SLC44A4: variants seen among roughly 807,000 people sequenced by gnomAD.
SLC44A4 encodes choline transporter-like protein 4.
A neutral mutation model predicts 97.0 loss-of-function variants in SLC44A4; 74 were observed. That is an observed-to-expected ratio of 0.76 (90% CI 0.63 to 0.93). SLC44A4 has a LOEUF of 0.93. SLC44A4 is among the 40% of genes least tolerant of loss of function. The pLI is 0.00. For missense variants in SLC44A4, 799 were observed against 902.9 expected, an observed-to-expected ratio of 0.88 and a Z score of 1.48; for synonymous variants, 325 against 363.8, an observed-to-expected ratio of 0.89 and a Z score of 1.21.
intron 20 of SLC44A4, chr6:31,864,396 C>T: frequency 1.7e-6 from 1 of 578,386 alleles, no homozygotes; most frequent in Non-Finnish European, 3.1e-6. Context: ...AACTTCTACC[C>T]GAGATTTCTT....
At chr6:31,864,568 C>G in intron 20 of SLC44A4, 84 bp downstream of exon 20, 26 of 1,278,404 alleles carry the variant, frequency 2.0e-5, no homozygotes, top group Non-Finnish European at 2.9e-5. Flanking sequence ...TTTCTAGAAG[C>G]ACCAAATCTC....
In SLC44A4 at chr6:31,876,093, CAGGAAGAGG is replaced by C. The variant is rs758136134; in HGVS notation, c.117_125del (p.Leu42_Phe44del). ...CCACGATGTAACCTAGAATGAAGAG[CAGGAAGAGG>C]ACGCAGCAGATGACATCTGTGCAGC... On this transcript the variant is annotated inframe_deletion, in exon 3 of 21. Coordinates refer to ENST00000229729, the MANE Select transcript of SLC44A4 (RefSeq NM_025257.3). This position sits in a 1 kb window ranked among gnomAD's most constrained non-coding sequence, Gnocchi z 4.8. 189 of 1,613,818 alleles carry C rather than the reference CAGGAAGAGG, an allele frequency of 1.2e-4. No individual in the cohort carries two copies. Among genetic ancestry groups the C allele is most frequent in the Non-Finnish European group, 3.8e-5 (45 of 1,179,982 alleles).
rs762326098 is a variant in SLC44A4, at chr6:31,874,566, G to A, written c.469-46C>T. The A allele has an allele frequency of 1.3e-6, 2 of 1,598,020 alleles. No homozygotes were observed. The highest frequency in any genetic ancestry group is 1.7e-6 in the Non-Finnish European group (2 of 1,171,456). On this transcript the variant is annotated intron_variant, in intron 6 of 20. Transcript: ENST00000229729. This position sits in a 1 kb window ranked among gnomAD's most constrained non-coding sequence, Gnocchi z 4.8. ...CAGACACACAGACACAGAGCAGGAT[G>A]AAGAAGCAGGTCCCCTCACCACCAC...
intron 20 of SLC44A4, 29 bp from the exon 21 acceptor site, chr6:31,863,777 G>A (rs1386890347): frequency 2.5e-6 from 4 of 1,610,876 alleles, no homozygotes; most frequent in Non-Finnish European, 3.4e-6. Flanking sequence ...CGGTTAGAGC[G>A]GACCCTGGGG....
At chr6:31,866,241 G>T in intron 13 of SLC44A4, 115 bp from the exon 14 acceptor site, 1 of 1,344,884 alleles carries the variant, frequency 7.4e-7, no homozygotes, top group Non-Finnish European at 1.0e-6. Flanking sequence ...GTGGGAAGTA[G>T]CTTCTCTGGA....
chr6:31,863,704 A>G lies in SLC44A4; in HGVS notation c.2056T>C (p.Tyr686His). ...RNNGSLDRPY[Y>H]MSKSLLKILG... ...ATCTTTAGAAGGCTCTTGGACATGTAGTAGGGCCGGTCCAGGGAGCCGTTG... is the reference window on the plus strand; with the variant it reads ...ATCTTTAGAAGGCTCTTGGACATGTGGTAGGGCCGGTCCAGGGAGCCGTTG... The change falls in exon 21 of 21, where the codon TAC becomes CAC. Residue 686 changes from tyrosine to histidine, a missense_variant. Around this residue, in one of 3 missense-constraint regions of SLC44A4, gnomAD observed 379 missense variants for 438.3 expected, o/e 0.86. Transcript: ENST00000229729. The G allele has an allele frequency of 1.2e-6, 2 of 1,612,570 alleles. No homozygotes were observed. The highest frequency in any genetic ancestry group is 1.7e-6 in the Non-Finnish European group (2 of 1,179,792).
At position 31,874,113 on chromosome 6, in the gene SLC44A4, A is replaced by T. The variant is rs573098; in HGVS notation, c.529+347T>A. On this transcript the variant is annotated intron_variant, in intron 7 of 20. Coordinates refer to ENST00000229729, the MANE Select transcript of SLC44A4 (RefSeq NM_025257.3). This position sits in a 1 kb window ranked among gnomAD's most constrained non-coding sequence, Gnocchi z 4.8. ...CTGGGCAACAGAGGAAGACTCCGTC[A>T]AAAAAAAAAAAATGTGTGTGTAGAT... 0.8 allele frequency among the ~76,000 whole-genome samples: 119,450 copies of T among 149,692 alleles called. 47,979 individuals are homozygous for T. Among genetic ancestry groups the T allele is most frequent in the Middle Eastern group, 0.92 (264 of 288 alleles).
chr6:31,875,791 T>A, intron 4 of SLC44A4, 61 bp downstream of exon 4: 1 of 1,445,880 alleles, frequency 6.9e-7, no homozygotes. Context: ...GTTGGGGGGG[T>A]GTCTCCTGCC....
chr6:31,870,549 A>ACCCC, intron 11 of SLC44A4, 54 bp downstream of exon 11: 1 of 1,445,080 alleles, frequency 6.9e-7, no homozygotes, highest in East Asian at 2.5e-5. Context: ...GTCCCCTAGC[A>ACCCC]CTCCTGGGTC....
Position 31,863,421 on chromosome 6 carries a change from T to G in SLC44A4, c.*206A>C. 1 of 575,200 alleles carries G rather than the reference T, an allele frequency of 1.7e-6. No homozygotes were observed. 35.6% of individuals were successfully genotyped at this position (575,200 alleles called of 1,614,324 possible). A position where few individuals can be genotyped will look rare whatever the true frequency, so the allele number is the denominator to read the frequency against. ...TTGTATTTTTAATAGAGACGGAGGTTTCACCATGTTGGCCAGGCTGGTCTC... is the reference window on the plus strand; with the variant it reads ...TTGTATTTTTAATAGAGACGGAGGTGTCACCATGTTGGCCAGGCTGGTCTC... On this transcript the variant is annotated 3_prime_UTR_variant, in exon 21 of 21. Transcript: ENST00000229729.
intron 4 of SLC44A4, 45 bp from the exon 5 acceptor site, chr6:31,875,073 T>C: frequency 6.6e-7 from 1 of 1,506,578 alleles, no homozygotes. Flanking sequence ...TGGTCAGGTG[T>C]TGGGGGAGGG....
chr6:31,877,115 G>A lies in SLC44A4; in HGVS notation c.41-33C>T. On this transcript the variant is annotated intron_variant, in intron 1 of 20. Transcript: ENST00000229729. The surrounding 1 kb of genome is among the most constrained non-coding windows in gnomAD (Gnocchi z 6.5). ...ACATGAGAAGAGGTGTGGAGGATGA[G>A]TCTCTCTCTGCATATCTTGTCCTGC... The A allele has an allele frequency of 6.3e-7, 1 of 1,598,476 alleles. No individual in the cohort carries two copies. The highest frequency in any genetic ancestry group is 8.5e-7 in the Non-Finnish European group (1 of 1,171,934).
Position 31,875,915 on chromosome 6 carries a change from T to C in SLC44A4, c.179A>G (p.Asp60Gly). 1 of 1,613,158 alleles carries C rather than the reference T, an allele frequency of 6.2e-7. No homozygotes were observed. The highest frequency in any genetic ancestry group is 8.5e-7 in the Non-Finnish European group (1 of 1,179,696). Residue 60 changes from aspartate to glycine, a missense_variant, in exon 4 of 21, where the codon GAC becomes GGC. This residue lies in a region of SLC44A4 where 409 missense variants were observed against 434.1 expected (regional missense o/e 0.94). Coordinates refer to ENST00000229729, the MANE Select transcript of SLC44A4 (RefSeq NM_025257.3). ...VVGIVAWLYG[D>G]PRQVLYPRNS... The stretch of plus-strand genomic sequence containing the variant: ...CCTGGGGTAGAGGACTTGCCGGGGG[T>C]CTCCATACAACCAGGCTGCAGACAG...
intron 4 of SLC44A4, among the ~76,000 whole-genome samples, chr6:31,875,370 G>A (rs767253567): frequency 2.6e-5 from 4 of 152,120 alleles, no homozygotes; most frequent in Non-Finnish European, 5.9e-5. Flanking sequence ...ATTTCAATGC[G>A]CTTGTGTGTG....
chr6:31,869,603 G>A lies in SLC44A4; in HGVS notation c.1072C>T (p.Pro358Ser). The change falls in exon 12 of 21, where the codon CCA becomes TCA. Residue 358 changes from proline to serine, a missense_variant. By Grantham distance (74) the Pro-to-Ser change is moderately conservative (BLOSUM62 -1). Coordinates refer to ENST00000229729, the MANE Select transcript of SLC44A4 (RefSeq NM_025257.3). ...VGQMMSTMFY[P>S]LVTFVLLLIC... is the part of the protein sequence containing the mutation. Reference sequence around the variant, plus strand: ...AGGAGGAGGACAAAGGTGACCAGTGGGTAGAACATGGTAGACATCATCTGT... The same window carrying A: ...AGGAGGAGGACAAAGGTGACCAGTGAGTAGAACATGGTAGACATCATCTGT... 3.1e-6 allele frequency: 5 copies of A among 1,605,420 alleles called. No individual in the cohort carries two copies. The highest frequency in any genetic ancestry group is 4.2e-6 in the Non-Finnish European group (5 of 1,176,572).
At position 31,864,715 on chromosome 6, in the gene SLC44A4, C is replaced by T. The variant is rs1762746495; in HGVS notation, c.1948G>A (p.Val650Ile). Residue 650 changes from valine (V) to isoleucine (I), a missense_variant, in exon 20 of 21, where the codon GTC becomes ATC. Coordinates refer to ENST00000229729, the MANE Select transcript of SLC44A4 (RefSeq NM_025257.3). Reference protein sequence around the residue: ...PIMTSILGAYVIASGFFSVFG... With the variant: ...PIMTSILGAYIIASGFFSVFG... ...ACGCTGAAGAAGCCGCTGGCGATGA[C>T]ATAGGCCCCCAGGATGGAGGTCTGG... is the stretch of plus-strand genomic sequence containing the variant. 1.2e-6 allele frequency: 2 copies of T among 1,614,040 alleles called. No homozygotes were observed. Among genetic ancestry groups the T allele is most frequent in the Non-Finnish European group, 1.7e-6 (2 of 1,180,004 alleles).
rs955643133 is a variant in SLC44A4, at chr6:31,874,779, C to T, written c.410G>A (p.Gly137Glu). 6.2e-7 allele frequency: 1 copy of T among 1,613,888 alleles called. No individual in the cohort carries two copies. Among genetic ancestry groups the T allele is most frequent in the Admixed American group, 1.7e-5 (1 of 59,972 alleles). The change falls in exon 6 of 21, where the codon GGG (glycine) becomes GAG (glutamate). Residue 137 changes from glycine to glutamate, a missense_variant. Gly to Glu is a moderately conservative substitution (Grantham distance 98, BLOSUM62 -2). Coordinates refer to ENST00000229729, the MANE Select transcript of SLC44A4 (RefSeq NM_025257.3). This position sits in a 1 kb window ranked among gnomAD's most constrained non-coding sequence, Gnocchi z 4.8. Reference sequence around the variant, plus strand: ...CCTGTTTTTTGTATAGAAGACTTCCCCAACAGTCTGTGAGAACTCGTTTTT... The same window carrying T: ...CCTGTTTTTTGTATAGAAGACTTCCTCAACAGTCTGTGAGAACTCGTTTTT... The part of the protein sequence containing the change: ...VGKNEFSQTV[G>E]EVFYTKNRNF...
rs1762663397 is a variant in SLC44A4 at position 31,863,512 on chromosome 6, A to C, written c.*115T>G. The stretch of plus-strand genomic sequence containing the variant: ...AAGTGTTGGATTACAGGCGTGAGCC[A>C]CGGCGCCTGGCCTAAAACCTTTTTT... On this transcript the variant is annotated 3_prime_UTR_variant, in exon 21 of 21. Transcript: ENST00000229729. 27 of 1,412,498 alleles carry C rather than the reference A, an allele frequency of 1.9e-5. No homozygotes were observed. The highest frequency in any genetic ancestry group is 2.2e-5 in the Non-Finnish European group (23 of 1,069,608). 87.5% of individuals were successfully genotyped at this position (1,412,498 alleles called of 1,614,324 possible). A position where few individuals can be genotyped will look rare whatever the true frequency, so the allele number is the denominator to read the frequency against.
At chr6:31,870,494 C>A in intron 11 of SLC44A4, 109 bp downstream of exon 11, 1 of 815,260 alleles carries the variant, frequency 1.2e-6, no homozygotes, top group South Asian at 1.6e-5. Context: ...CTATATTCCT[C>A]CCTTCTCCTC....
Sources: allele counts gnomAD v4.1 joint callset (sites outside exome capture counted in the v4.1 genomes callset), GRCh38; gene constraint gnomAD v4.1.1; regional missense constraint gnomAD v4.1.1; non-coding constraint Gnocchi (gnomAD v3.1); transcripts MANE v1.5; gene names NCBI Gene and HGNC (gene_info 2026-07-23, HGNC 2026-07-21).